Variants in SEPTIN11 observed in about 807,000 individuals in gnomAD.
SEPTIN11 encodes the protein septin-11.
A neutral mutation model predicts 51.4 loss-of-function variants in SEPTIN11; 25 were observed. The ratio of observed to expected loss-of-function variants is 0.49; its 90% confidence interval spans 0.35 to 0.68. The LOEUF (loss-of-function observed/expected upper bound fraction) is 0.68. Ranked by LOEUF, SEPTIN11 falls within the 30% of genes least tolerant of loss-of-function variation. The pLI is 0.00. For synonymous variants in SEPTIN11, 174 were observed against 184.1 expected (o/e 0.95, Z 0.44); for missense variants, 381 against 520.8 (o/e 0.73, Z 2.61).
rs145952424 is a variant in SEPTIN11, at chr4:76,985,549, G to T, written c.28-10876G>T. 9.2e-5 allele frequency among the ~76,000 whole-genome samples: 14 copies of T among 152,298 alleles called. No individual in the cohort carries two copies. In the East Asian group the frequency reaches 2.7e-3, roughly 29 times the overall value. On this transcript the variant is annotated intron_variant, in intron 1 of 9. Transcript: ENST00000264893. Reference sequence around the variant, plus strand: ...TCTAGTCCCAGGTAAACCTGGGTAGGCTGTAGAGACAGAAAGGGGGCTGCA... The same window carrying T: ...TCTAGTCCCAGGTAAACCTGGGTAGTCTGTAGAGACAGAAAGGGGGCTGCA...
At position 76,996,410 on chromosome 4, in the gene SEPTIN11, C is replaced by T. The variant is rs1723720534; in HGVS notation, c.28-15C>T. On this transcript the variant is annotated splice_polypyrimidine_tract_variant and intron_variant, in intron 1 of 9. Transcript: ENST00000264893. The stretch of plus-strand genomic sequence containing the variant: ...GGTTCATGGACACTCAAATCTTTCT[C>T]CCCTGAAATTGCAGAATGAAGAGCT... The T allele has an allele frequency of 5.1e-6, 8 of 1,578,806 alleles. No individual in the cohort carries two copies. Among genetic ancestry groups the T allele is most frequent in the Non-Finnish European group, 6.1e-6 (7 of 1,147,900 alleles).
At chr4:77,038,649 C>T, downstream of SEPTIN11, 1 of 994,206 alleles carries the variant, frequency 1.0e-6, no homozygotes, top group Non-Finnish European at 1.2e-6. Flanking sequence ...TCTTTTTAGT[C>T]ACTGCTTGGT....
intron 7 of SEPTIN11, among the ~76,000 whole-genome samples, chr4:77,025,485 TGGTGA>T (rs1422422949): frequency 6.6e-6 from 1 of 151,620 alleles, no homozygotes; most frequent in African/African-American, 2.4e-5. Context: ...TTCGAGCGTA[TGGTGA>T]GCTATGATCC....
intron 2 of SEPTIN11, among the ~76,000 whole-genome samples, chr4:76,996,937 T>TG (rs1332843201): frequency 1.4e-5 from 2 of 146,524 alleles, no homozygotes; most frequent in Non-Finnish European, 3.0e-5. Context: ...TGGAGTGCAG[T>TG]GGGGCGATCT....
At position 77,030,811 on chromosome 4, in the gene SEPTIN11, G is replaced by A. The variant is rs768230308; in HGVS notation, c.1115G>A (p.Arg372Gln). Residue 372 changes from arginine to glutamine, a missense_variant, in exon 9 of 10, where the codon CGG becomes CAG. Coordinates refer to ENST00000264893, the MANE Select transcript of SEPTIN11 (RefSeq NM_018243.4). ...CACGAGAAGTTTGACCTTCTAAAGC[G>A]GACACACCAAGAAGAAAAGAAGAAA... is the stretch of plus-strand genomic sequence containing the variant. ...ELHEKFDLLK[R>Q]THQEEKKKVE... is the part of the protein sequence containing the mutation. The A allele has an allele frequency of 1.2e-5, 19 of 1,602,838 alleles. 1 individual carries two copies. Among genetic ancestry groups the A allele is most frequent in the East Asian group, 2.2e-5 (1 of 44,748 alleles).
At chr4:76,963,136 CTT>C (rs1437959034) in intron 1 of SEPTIN11, among the ~76,000 whole-genome samples, 1 of 152,144 alleles carries the variant, frequency 6.6e-6, no homozygotes, top group Non-Finnish European at 1.5e-5. Context: ...GAGGAGAAAA[CTT>C]AACAAATTTG....
chr4:77,035,708 C>T lies in SEPTIN11; in HGVS notation c.*1196C>T, dbSNP rs1726977202. 1.0e-6 allele frequency: 1 copy of T among 985,792 alleles called. No individual in the cohort carries two copies. The highest frequency in any genetic ancestry group is 1.2e-6 in the Non-Finnish European group (1 of 829,968). 61.1% of individuals were successfully genotyped at this position (985,792 alleles called of 1,614,324 possible). On this transcript the variant is annotated 3_prime_UTR_variant, in exon 10 of 10. Transcript: ENST00000264893. ...CTGGAATTTTCCTCACCTTGGCTAGCTCCACCTGCTCTTTGTCTAAGGCCC... is the reference window on the plus strand; with the variant it reads ...CTGGAATTTTCCTCACCTTGGCTAGTTCCACCTGCTCTTTGTCTAAGGCCC...
chr4:77,019,255 G>T lies in SEPTIN11; in HGVS notation c.778G>T (p.Val260Leu). ...GGCCAGGCAGTACCCCTGGGGTGTGGTGCAGGGTATGTGCACAGCATGGGA... is the reference window on the plus strand; with the variant it reads ...GGCCAGGCAGTACCCCTGGGGTGTGTTGCAGGGTATGTGCACAGCATGGGA... ...AKARQYPWGVVQVENENHCDF... is the reference protein window; with the variant it reads ...AKARQYPWGVLQVENENHCDF... Residue 260 changes from valine (V) to leucine (L), a missense_variant, in exon 6 of 10, where the codon GTG (valine) becomes TTG (leucine). Around this residue, in one of 2 missense-constraint regions of SEPTIN11, gnomAD observed 197 missense variants for 313.1 expected, o/e 0.63. Coordinates refer to ENST00000264893, the MANE Select transcript of SEPTIN11 (RefSeq NM_018243.4). 1 of 1,611,306 alleles carries T rather than the reference G, an allele frequency of 6.2e-7. No individual in the cohort carries two copies. Among genetic ancestry groups the T allele is most frequent in the Non-Finnish European group, 8.5e-7 (1 of 1,178,824 alleles).
intron 2 of SEPTIN11, among the ~76,000 whole-genome samples, chr4:76,997,187 G>A (rs1488268687): frequency 1.3e-5 from 2 of 152,166 alleles, no homozygotes; most frequent in Admixed American, 6.5e-5. Context: ...TCCCCATCAC[G>A]CCTGATGAAT....
chr4:76,993,961 A>G (rs894878640), intron 1 of SEPTIN11, among the ~76,000 whole-genome samples: 2 of 152,170 alleles, frequency 1.3e-5, no homozygotes, highest in Non-Finnish European at 2.9e-5. Context: ...GATGAGAGCT[A>G]TAATTACTAA....
intron 2 of SEPTIN11, among the ~76,000 whole-genome samples, chr4:77,000,833 C>G (rs575844163): frequency 6.6e-6 from 1 of 152,244 alleles, no homozygotes; most frequent in Non-Finnish European, 1.5e-5. Context: ...AAAGGTGATT[C>G]TATGAGGAAC....
intron 1 of SEPTIN11, among the ~76,000 whole-genome samples, chr4:76,960,552 A>G (rs1262611461): frequency 6.6e-6 from 1 of 152,146 alleles, no homozygotes; most frequent in African/African-American, 2.4e-5. Flanking sequence ...ACCAAGTCTA[A>G]ACTGGATTTT....
At position 77,034,848 on chromosome 4, in the gene SEPTIN11, G is replaced by A. The variant is rs577536910; in HGVS notation, c.*336G>A. The stretch of plus-strand genomic sequence containing the variant: ...AAGTGGGGTAAAATGCTACCTGTAC[G>A]TCTGACATGAAAACTTCTCACCGCC... On this transcript the variant is annotated 3_prime_UTR_variant, in exon 10 of 10. Coordinates refer to ENST00000264893, the MANE Select transcript of SEPTIN11 (RefSeq NM_018243.4). The A allele has an allele frequency of 4.3e-4, 441 of 1,029,900 alleles. 2 individuals are homozygous for A. In the South Asian group the frequency reaches 0.011, roughly 27 times the overall value. The allele number at this position is 1,029,900 out of a possible 1,614,324, so 63.8% of individuals were successfully genotyped here.
chr4:77,025,383 TA>T (rs1297205695), intron 7 of SEPTIN11, among the ~76,000 whole-genome samples: 1 of 151,646 alleles, frequency 6.6e-6, no homozygotes, highest in South Asian at 2.1e-4. Context: ...CAAAAAATTT[TA>T]AAAAAAATTA....
intron 1 of SEPTIN11, among the ~76,000 whole-genome samples, chr4:76,952,324 T>A (rs1268615318): frequency 6.6e-6 from 1 of 152,218 alleles, no homozygotes; most frequent in Non-Finnish European, 1.5e-5. Context: ...CGAAGTTGAT[T>A]TATGTGTGAA....
intron 1 of SEPTIN11, among the ~76,000 whole-genome samples, chr4:76,989,394 T>C (rs550183042): frequency 6.6e-6 from 1 of 152,398 alleles, no homozygotes; most frequent in African/African-American, 2.4e-5. Context: ...AACGTAATTT[T>C]AATTTGTTTG....
downstream of SEPTIN11, chr4:77,039,076 C>T: frequency 7.8e-7 from 1 of 1,288,884 alleles, no homozygotes; most frequent in Non-Finnish European, 1.0e-6. Flanking sequence ...TCTGTAGCTT[C>T]TTCTTTATGT....
intron 3 of SEPTIN11, among the ~76,000 whole-genome samples, chr4:77,010,981 A>G (rs1724822858): frequency 6.6e-6 from 1 of 152,244 alleles, no homozygotes; most frequent in South Asian, 2.1e-4. Flanking sequence ...AGGATTACAC[A>G]TAATTATCCA....
chr4:77,038,193 T>A lies in SEPTIN11; in HGVS notation c.*3681T>A, dbSNP rs1727163288. The A allele has an allele frequency of 7.1e-6, 7 of 985,632 alleles. No homozygotes were observed. Among genetic ancestry groups the A allele is most frequent in the Non-Finnish European group, 8.4e-6 (7 of 829,708 alleles). 61.1% of individuals were successfully genotyped at this position (985,632 alleles called of 1,614,324 possible). A position where few individuals can be genotyped will look rare whatever the true frequency, so the allele number is the denominator to read the frequency against. ...GAATTAAGACCTACAAAGTCTAGTTTGTATGTAGGTATGAAGGGAATTTTT... is the reference window on the plus strand; with the variant it reads ...GAATTAAGACCTACAAAGTCTAGTTAGTATGTAGGTATGAAGGGAATTTTT... On this transcript the variant is annotated 3_prime_UTR_variant, in exon 10 of 10. Coordinates refer to ENST00000264893, the MANE Select transcript of SEPTIN11 (RefSeq NM_018243.4).
Sources: allele counts gnomAD v4.1 joint callset (sites outside exome capture counted in the v4.1 genomes callset), GRCh38; gene constraint gnomAD v4.1.1; regional missense constraint gnomAD v4.1.1; transcripts MANE v1.5; gene names NCBI Gene and HGNC (gene_info 2026-07-23, HGNC 2026-07-21).